FANCI: variants seen among roughly 807,000 people sequenced by gnomAD.
FANCI encodes the protein Fanconi anemia group I protein.
Under a neutral mutation model 176.1 loss-of-function variants are expected in FANCI, and 156 were observed. That is an observed-to-expected ratio of 0.89 (90% CI 0.78 to 1.01). The LOEUF (loss-of-function observed/expected upper bound fraction) is 1.01. Among genes scored for constraint, FANCI ranks in the 50% least tolerant of loss-of-function variants. The probability of loss-of-function intolerance (pLI) is 0.00; values close to 1 mark genes in which losing one functional copy is unlikely to be tolerated. For missense variants in FANCI, 1,678 were observed against 1,534.1 expected (o/e 1.09, Z -1.57); for synonymous variants, 613 against 541.7 (o/e 1.13, Z -1.83).
In FANCI at chr15:89,274,279, A is replaced by G. The variant is rs1372987795; in HGVS notation, c.1087A>G (p.Met363Val). ...LVPHRSYVSTMILEVVKNSVH... is the reference protein window; with the variant it reads ...LVPHRSYVSTVILEVVKNSVH... ...TCCTCATAGATCTTATGTTTCAACC[A>G]TGATCTTGGAAGTAGTGAAGAATAG... Residue 363 changes from methionine to valine, a missense_variant, in exon 12 of 38, where the codon ATG becomes GTG. Met to Val is a conservative substitution (Grantham distance 21). This residue lies in a region of FANCI where 469 missense variants were observed against 436.9 expected (regional missense o/e 1.07). Transcript: ENST00000310775. 3 of 1,613,646 alleles carry G rather than the reference A, an allele frequency of 1.9e-6. No individual in the cohort carries two copies. Among genetic ancestry groups the G allele is most frequent in the East Asian group, 2.2e-5 (1 of 44,834 alleles).
At chr15:89,296,715 C>T (rs1447597058) in intron 24 of FANCI, among the ~76,000 whole-genome samples, 1 of 152,206 alleles carries the variant, frequency 6.6e-6, no homozygotes, top group Non-Finnish European at 1.5e-5. Flanking sequence ...TTGGGTACAC[C>T]TCCCAGACGG....
At position 89,273,724 on chromosome 15, in the gene FANCI, A is replaced by T. The variant is rs140069732; in HGVS notation, c.975+255A>T. ...AGCTAGGTAGTGAGGTGGGAATAAG[A>T]GTGGAAGGATACCACACAGCCCCAG... On this transcript the variant is annotated intron_variant, in intron 11 of 37. Coordinates refer to ENST00000310775, the MANE Select transcript of FANCI (RefSeq NM_001113378.2). Among the ~76,000 whole-genome samples the T allele has an allele frequency of 2.7e-3, 394 of 148,200 alleles. 3 individuals carry two copies. Among genetic ancestry groups the T allele is most frequent in the African/African-American group, 9.3e-3 (383 of 41,390 alleles).
At chr15:89,311,104 C>T (rs918727252) in intron 34 of FANCI, among the ~76,000 whole-genome samples, 1 of 151,820 alleles carries the variant, frequency 6.6e-6, no homozygotes, top group Non-Finnish European at 1.5e-5. Flanking sequence ...AAAAAAAATA[C>T]AAAAATTAGC....
intron 10 of FANCI, among the ~76,000 whole-genome samples, chr15:89,272,752 C>G (rs929952717): frequency 6.6e-5 from 10 of 152,036 alleles, no homozygotes; most frequent in Non-Finnish European, 1.0e-4. Context: ...TCACTGCAAC[C>G]TTCGCCTCCC....
At chr15:89,298,918 C>T (rs1359333920) in intron 24 of FANCI, among the ~76,000 whole-genome samples, 2 of 152,090 alleles carry the variant, frequency 1.3e-5, no homozygotes, top group Non-Finnish European at 2.9e-5. Flanking sequence ...ATCTGTAATC[C>T]CAGCACTTTT....
chr15:89,248,587 A>G (rs943385866), intron 2 of FANCI, among the ~76,000 whole-genome samples: 3 of 152,054 alleles, frequency 2.0e-5, no homozygotes, highest in Admixed American at 6.6e-5. Flanking sequence ...GACTTGTTGC[A>G]TGAGTTGTAA....
chr15:89,307,768 C>A, intron 34 of FANCI, 96 bp downstream of exon 34: 3 of 1,600,614 alleles, frequency 1.9e-6, no homozygotes, highest in Non-Finnish European at 2.6e-6. Flanking sequence ...CATATATAAA[C>A]TTTTTTCCCT....
chr15:89,302,885 T>A (rs7162632), intron 27 of FANCI, among the ~76,000 whole-genome samples: 70,591 of 151,998 alleles, frequency 0.46, 17,317 homozygotes, highest in African/African-American at 0.63. Context: ...AAATTTTTAA[T>A]TTTAATTTTG....
chr15:89,255,450 A>G (rs1444772263), intron 2 of FANCI, among the ~76,000 whole-genome samples: 1 of 152,156 alleles, frequency 6.6e-6, no homozygotes, highest in African/African-American at 2.4e-5. Context: ...CTCCCTATAA[A>G]TTGCTTACTG....
chr15:89,276,129 T>G (rs1353625851), intron 12 of FANCI, among the ~76,000 whole-genome samples: 1 of 152,250 alleles, frequency 6.6e-6, no homozygotes, highest in Non-Finnish European at 1.5e-5. Context: ...TTATTTCCAC[T>G]GTGGGGTATA....
rs374908061 is a variant in FANCI at position 89,315,333 on chromosome 15, A to G, written c.3868A>G (p.Lys1290Glu). Reference protein sequence around the residue: ...KLSTSRDFKIKGNILDMVLRE... With the variant: ...KLSTSRDFKIEGNILDMVLRE... ...CAGCACCTCACGAGACTTCAAGATC[A>G]AAGGAAACATCCTAGACATGGTTCT... The change falls in exon 37 of 38, where the codon AAA becomes GAA. Residue 1290 changes from lysine to glutamate, a missense_variant. Coordinates refer to ENST00000310775, the MANE Select transcript of FANCI (RefSeq NM_001113378.2). The G allele has an allele frequency of 1.6e-5, 26 of 1,614,022 alleles. No individual in the cohort carries two copies. In the African/African-American group the frequency reaches 3.1e-4, roughly 19 times the overall value.
At position 89,247,672 on chromosome 15, in the gene FANCI, G is replaced by A. The variant is rs770499988; in HGVS notation, c.25G>A (p.Ala9Thr). 1.9e-6 allele frequency: 3 copies of A among 1,614,000 alleles called. No individual in the cohort carries two copies. In the Admixed American group the frequency reaches 5.0e-5, roughly 27 times the overall value. Residue 9 changes from alanine to threonine, a missense_variant, in exon 2 of 38, where the codon GCA (alanine) becomes ACA (threonine). This residue lies in a region of FANCI where 469 missense variants were observed against 436.9 expected (regional missense o/e 1.07). Coordinates refer to ENST00000310775, the MANE Select transcript of FANCI (RefSeq NM_001113378.2). MDQKILSL[A>T]AEKTADKLQE... ...AATGGACCAGAAGATTTTATCTCTA[G>A]CAGCAGAAAAAACAGCAGACAAACT...
chr15:89,304,641 A>C (rs774895473), intron 28 of FANCI, among the ~76,000 whole-genome samples: 5 of 152,198 alleles, frequency 3.3e-5, no homozygotes, highest in Non-Finnish European at 7.3e-5. Flanking sequence ...ATTGCAGACT[A>C]GCTGCTTGGC....
At chr15:89,267,332 A>AAT (rs1491474517) in intron 9 of FANCI, among the ~76,000 whole-genome samples, 3 of 94,738 alleles carry the variant, frequency 3.2e-5, no homozygotes, top group African/African-American at 8.6e-5. Context: ...AAAAAAAAAA[A>AAT]TTTTTTTTTT....
At chr15:89,304,279 G>T (rs899829394) in intron 28 of FANCI, among the ~76,000 whole-genome samples, 1 of 152,136 alleles carries the variant, frequency 6.6e-6, no homozygotes, top group Non-Finnish European at 1.5e-5. Context: ...GCAGTAGAAA[G>T]GATAAAAGAA....
In FANCI at chr15:89,247,742, G is replaced by A. The variant is rs2052051897; in HGVS notation, c.84+11G>A. 6.2e-7 allele frequency: 1 copy of A among 1,612,008 alleles called. No individual in the cohort carries two copies. The stretch of plus-strand genomic sequence containing the variant: ...CTGAGAGAAGGTGATGTGAGTATTA[G>A]GAAGCATGTTCTGCTAAAAGTAAAT... On this transcript the variant is annotated intron_variant, in intron 2 of 37. Transcript: ENST00000310775.
chr15:89,316,665 A>C lies in FANCI; in HGVS notation c.*206A>C, dbSNP rs968155183. 10 of 1,294,660 alleles carry C rather than the reference A, an allele frequency of 7.7e-6. No individual in the cohort carries two copies. Among genetic ancestry groups the C allele is most frequent in the Non-Finnish European group, 1.1e-5 (10 of 892,402 alleles). The allele number at this position is 1,294,660 out of a possible 1,614,324, so 80.2% of individuals were successfully genotyped here. A position where few individuals can be genotyped will look rare whatever the true frequency, so the allele number is the denominator to read the frequency against. On this transcript the variant is annotated 3_prime_UTR_variant, in exon 38 of 38. Transcript: ENST00000310775. ...CTGGCCTTAGGCAAGCCCTTTTGCA[A>C]AAAGCACAGCTGAAAGCCTGAGTTT...
intron 6 of FANCI, among the ~76,000 whole-genome samples, chr15:89,262,441 G>A (rs1438343631): frequency 6.6e-6 from 1 of 152,048 alleles, no homozygotes; most frequent in African/African-American, 2.4e-5. Context: ...TGTAAGTTAA[G>A]GTAGAGCCAC....
intron 18 of FANCI, among the ~76,000 whole-genome samples, chr15:89,285,786 C>G (rs1194013028): frequency 6.6e-6 from 1 of 152,026 alleles, no homozygotes; most frequent in Non-Finnish European, 1.5e-5. Context: ...TCATACAAAC[C>G]CATACCCTTA....
Sources: allele counts gnomAD v4.1 joint callset (sites outside exome capture counted in the v4.1 genomes callset), GRCh38; gene constraint gnomAD v4.1.1; regional missense constraint gnomAD v4.1.1; transcripts MANE v1.5; gene names NCBI Gene and HGNC (gene_info 2026-07-23, HGNC 2026-07-21).